UBXN7: variants seen among roughly 807,000 people sequenced by gnomAD.
The protein encoded by UBXN7 is UBX domain-containing protein 7.
UBXN7 carries 9 observed loss-of-function variants against 58.0 expected under a neutral mutation model. The ratio of observed to expected loss-of-function variants is 0.16; its 90% CI spans 0.09 to 0.27. The LOEUF (loss-of-function observed/expected upper bound fraction) is 0.27, where lower values mean the gene tolerates loss of function less well. Among genes scored for constraint, UBXN7 ranks in the 10% least tolerant of loss-of-function variants. The pLI is 1.00. For missense variants in UBXN7, 328 were observed against 599.6 expected (o/e 0.55, Z 4.73); for synonymous variants, 208 against 205.0 (o/e 1.01, Z -0.12).
intron 5 of UBXN7, among the ~76,000 whole-genome samples, chr3:196,388,576 G>A (rs986684139): frequency 6.6e-6 from 1 of 151,690 alleles, no homozygotes; most frequent in Non-Finnish European, 1.5e-5. Flanking sequence ...TGTATTGAGT[G>A]AACAAGTGAA....
At chr3:196,407,208 C>T (rs1033849715) in intron 2 of UBXN7, 38 bp downstream of exon 2, 2 of 1,594,060 alleles carry the variant, frequency 1.3e-6, no homozygotes, top group Non-Finnish European at 1.7e-6. Context: ...TTAATTTAGG[C>T]AATGGATAGC....
chr3:196,408,543 C>T (rs1402410100), intron 1 of UBXN7, among the ~76,000 whole-genome samples: 1 of 151,924 alleles, frequency 6.6e-6, no homozygotes, highest in East Asian at 1.9e-4. Flanking sequence ...TAAAAAGCAC[C>T]TCAAGCTTTC....
Position 196,372,300 on chromosome 3 carries a change from T to TTCTCTCTCTCTCTCTCTCTCTCTC in UBXN7, c.469-282_469-259dup, listed in dbSNP as rs144595952. ...TCCAGTTATTTGTTATAATAGCTGA[T>TTCTCTCTCTCTCTCTCTCTCTCTC]TCTCTCTCTCTCTCTCTCTCTCTCT... is the stretch of plus-strand genomic sequence containing the variant. On this transcript the variant is annotated intron_variant, in intron 5 of 10. Coordinates refer to ENST00000296328, the MANE Select transcript of UBXN7 (RefSeq NM_015562.2). Among the ~76,000 whole-genome samples the TTCTCTCTCTCTCTCTCTCTCTCTC allele has an allele frequency of 6.2e-3, 825 of 133,490 alleles. 17 individuals carry two copies. The highest frequency in any genetic ancestry group is 0.012 in the South Asian group (48 of 3,866). 87.6% of individuals were successfully genotyped at this position (133,490 alleles called of 152,430 possible).
At chr3:196,382,903 C>G (rs1039026969) in intron 5 of UBXN7, among the ~76,000 whole-genome samples, 1 of 152,142 alleles carries the variant, frequency 6.6e-6, no homozygotes, top group African/African-American at 2.4e-5. Flanking sequence ...ATCACGAGGT[C>G]AGGAGATCGA....
intron 10 of UBXN7, among the ~76,000 whole-genome samples, chr3:196,360,914 G>A (rs1001915010): frequency 6.6e-6 from 1 of 152,102 alleles, no homozygotes; most frequent in African/African-American, 2.4e-5. Flanking sequence ...GAGGCAGGAG[G>A]ATCACTTGAG....
intron 1 of UBXN7, among the ~76,000 whole-genome samples, chr3:196,415,063 T>G (rs994095294): frequency 6.6e-6 from 1 of 152,154 alleles, no homozygotes; most frequent in Non-Finnish European, 1.5e-5. Context: ...TGCTACCATA[T>G]TCTTACTCAT....
intron 3 of UBXN7, among the ~76,000 whole-genome samples, chr3:196,396,033 T>G (rs1345039875): frequency 6.6e-6 from 1 of 152,192 alleles, no homozygotes; most frequent in African/African-American, 2.4e-5. Flanking sequence ...CCAAAAGTGC[T>G]GGAATTACAG....
chr3:196,356,959 G>GT (rs1470428919), intron 10 of UBXN7, 113 bp from the exon 11 acceptor site: 1 of 1,338,484 alleles, frequency 7.5e-7, no homozygotes, highest in African/African-American at 1.5e-5. Context: ...GCTATTAAAT[G>GT]TAAGTTCTTC....
chr3:196,395,212 AT>A (rs1729732570), intron 3 of UBXN7, among the ~76,000 whole-genome samples: 1 of 152,210 alleles, frequency 6.6e-6, no homozygotes, highest in African/African-American at 2.4e-5. Flanking sequence ...GTGTCAAAAC[AT>A]CTTTCCCAAT....
At chr3:196,385,640 CCTCT>C (rs1366199802) in intron 5 of UBXN7, among the ~76,000 whole-genome samples, 1 of 151,176 alleles carries the variant, frequency 6.6e-6, no homozygotes, top group Non-Finnish European at 1.5e-5. Flanking sequence ...AGGTGAGGAG[CCTCT>C]CTGACCGGCC....
At chr3:196,426,158 TG>T (rs1730841673) in intron 1 of UBXN7, among the ~76,000 whole-genome samples, 1 of 151,590 alleles carries the variant, frequency 6.6e-6, no homozygotes, top group African/African-American at 2.4e-5. Context: ...CTGAGGTGGG[TG>T]GATCACCTGA....
At chr3:196,399,708 T>C (rs1201214523) in intron 3 of UBXN7, among the ~76,000 whole-genome samples, 1 of 152,096 alleles carries the variant, frequency 6.6e-6, no homozygotes, top group Non-Finnish European at 1.5e-5. Flanking sequence ...CCCAAAGGAC[T>C]GGGATTACAA....
intron 1 of UBXN7, among the ~76,000 whole-genome samples, chr3:196,412,716 T>G (rs1446260977): frequency 1.3e-5 from 2 of 152,186 alleles, no homozygotes; most frequent in Non-Finnish European, 2.9e-5. Flanking sequence ...AAGTAGTATA[T>G]TCATACAATG....
chr3:196,380,261 A>G (rs1359326558), intron 5 of UBXN7, among the ~76,000 whole-genome samples: 3 of 152,034 alleles, frequency 2.0e-5, no homozygotes, highest in South Asian at 4.2e-4. Flanking sequence ...TCATCTCAAA[A>G]AAAAAAAAAA....
In UBXN7 at chr3:196,432,021, C is replaced by T; in HGVS notation, c.73+306G>A. On this transcript the variant is annotated intron_variant, in intron 1 of 10. Coordinates refer to ENST00000296328, the MANE Select transcript of UBXN7 (RefSeq NM_015562.2). ...GTGCGGCCCCCTACTCCTCCCGCCCCCGGGTCCCCGGGCCGGCGGGGGCGG... is the reference window on the plus strand; with the variant it reads ...GTGCGGCCCCCTACTCCTCCCGCCCTCGGGTCCCCGGGCCGGCGGGGGCGG... The T allele has an allele frequency of 5.6e-6, 3 of 538,852 alleles. No homozygotes were observed. The South Asian group carries it at 5.9e-5, about 11-fold the overall frequency. The allele number at this position is 538,852 out of a possible 1,614,324, so 33.4% of individuals were successfully genotyped here.
At chr3:196,423,888 C>CTT (rs1235337251) in intron 1 of UBXN7, among the ~76,000 whole-genome samples, 33 of 131,358 alleles carry the variant, frequency 2.5e-4, no homozygotes, top group East Asian at 4.1e-4. Context: ...TAATTTTTCA[C>CTT]TTTTTTTTTT....
intron 2 of UBXN7, among the ~76,000 whole-genome samples, 188 bp from the exon 3 acceptor site, chr3:196,403,207 G>T (rs1250598248): frequency 6.6e-6 from 1 of 152,162 alleles, no homozygotes; most frequent in Non-Finnish European, 1.5e-5. Context: ...GTCCAGGCTG[G>T]AGTGGACCGA....
At chr3:196,419,321 T>TAAAC (rs1553854644) in intron 1 of UBXN7, among the ~76,000 whole-genome samples, 5,334 of 150,288 alleles carry the variant, frequency 0.035, 548 homozygotes, top group African/African-American at 0.12. Flanking sequence ...AATAAATAAA[T>TAAAC]AAACAATGTG....
intron 1 of UBXN7, among the ~76,000 whole-genome samples, chr3:196,412,339 A>C (rs1356255684): frequency 1.3e-5 from 2 of 152,132 alleles, no homozygotes. Flanking sequence ...ATTTCACTTA[A>C]ATCTCTAGAA....
Sources: gnomAD v4.1 joint callset for allele counts (sites outside exome capture counted in the v4.1 genomes callset) on GRCh38, gnomAD v4.1.1 for gene constraint, MANE v1.5 for transcripts, NCBI Gene and HGNC (gene_info 2026-07-23, HGNC 2026-07-21) for gene names.